VSTM1: variants seen among roughly 807,000 people sequenced by gnomAD.
The protein encoded by VSTM1 is V-set and transmembrane domain-containing protein 1.
A neutral mutation model predicts 33.1 loss-of-function variants in VSTM1; 27 were observed. The ratio of observed to expected loss-of-function variants is 0.82; its 90% confidence interval spans 0.60 to 1.12. The LOEUF is 1.12. Among genes scored for constraint, VSTM1 ranks in the 50% most tolerant of loss-of-function variants. The pLI is 0.00. For synonymous variants in VSTM1, 115 were observed against 110.3 expected (o/e 1.04, Z -0.27); for missense variants, 304 against 288.9 (o/e 1.05, Z -0.38).
At chr19:54,049,833 CA>C (rs1181690146) in intron 4 of VSTM1, among the ~76,000 whole-genome samples, 1 of 152,036 alleles carries the variant, frequency 6.6e-6, no homozygotes, top group East Asian at 1.9e-4. Context: ...CAACCTTCAG[CA>C]ACTTTGGCTC....
At chr19:54,041,848 C>A (rs1216494627) in intron 7 of VSTM1, 32 bp from the exon 8 acceptor site, 2 of 1,613,616 alleles carry the variant, frequency 1.2e-6, no homozygotes, top group Non-Finnish European at 1.7e-6. Context: ...AAAATCAGTT[C>A]TCAGCTGCAG....
chr19:54,058,570 G>C lies in VSTM1; in HGVS notation c.91C>G (p.Leu31Val), dbSNP rs369534592. Residue 31 changes from leucine to valine, a missense_variant, in exon 3 of 9, where the codon CTC becomes GTC. Physicochemically the swap from Leu to Val is conservative, Grantham distance 32 (BLOSUM62 1). Coordinates refer to ENST00000338372, the MANE Select transcript of VSTM1 (RefSeq NM_198481.4). ...ACCACCGAGCTGGGCCAGGCGTGGAGGGAGGGCTTGGGCGGTTTCTCTGGA... is the reference window on the plus strand; with the variant it reads ...ACCACCGAGCTGGGCCAGGCGTGGACGGAGGGCTTGGGCGGTTTCTCTGGA... ...KKNEKPPKPS[L>V]HAWPSSVVEA... 1 of 1,613,894 alleles carries C rather than the reference G, an allele frequency of 6.2e-7. No individual in the cohort carries two copies. The highest frequency in any genetic ancestry group is 8.5e-7 in the Non-Finnish European group (1 of 1,179,878).
intron 3 of VSTM1, among the ~76,000 whole-genome samples, chr19:54,051,909 C>T (rs576616226): frequency 4.8e-4 from 73 of 152,094 alleles, no homozygotes; most frequent in African/African-American, 7.9e-4. Context: ...TACAGGCGCC[C>T]GCCACCACAC....
At position 54,056,214 on chromosome 19, in the gene VSTM1, C is replaced by CTTTTTTTT. The variant is rs869203085; in HGVS notation, c.355+2084_355+2091dup. On this transcript the variant is annotated intron_variant, in intron 3 of 8. Transcript: ENST00000338372. ...TTCTTTCTTTCTTTTCTTTTCTTTT[C>CTTTTTTTT]TTTTTTTTTTTTTTTTTTTTTTTTT... is the stretch of plus-strand genomic sequence containing the variant. 2.1e-3 allele frequency among the ~76,000 whole-genome samples: 83 copies of CTTTTTTTT among 39,164 alleles called. 5 individuals carry two copies. Among genetic ancestry groups the CTTTTTTTT allele is most frequent in the African/African-American group, 6.3e-3 (65 of 10,286 alleles). 25.7% of individuals were successfully genotyped at this position (39,164 alleles called of 152,430 possible).
rs542355894 is a variant in VSTM1 at position 54,055,969 on chromosome 19, G to T, written c.355+2337C>A. Among the ~76,000 whole-genome samples, 32 of 140,672 alleles carry T rather than the reference G, an allele frequency of 2.3e-4. 5 individuals are homozygous for T. Among genetic ancestry groups the T allele is most frequent in the African/African-American group, 7.1e-4 (27 of 38,096 alleles). 92.3% of individuals were successfully genotyped at this position (140,672 alleles called of 152,430 possible). ...GCTGCCCTTGGTGGGACCTCCCCTC[G>T]CAGGGTTAGTTAATTTCTAGAGCCA... On this transcript the variant is annotated intron_variant, in intron 3 of 8. Coordinates refer to ENST00000338372, the MANE Select transcript of VSTM1 (RefSeq NM_198481.4).
chr19:54,050,583 C>G (rs1339558888), intron 4 of VSTM1, among the ~76,000 whole-genome samples: 2 of 152,112 alleles, frequency 1.3e-5, no homozygotes, highest in Non-Finnish European at 2.9e-5. Flanking sequence ...GTTTTACACA[C>G]CAGCTTCTTC....
chr19:54,059,114 G>A (rs1422760368), intron 1 of VSTM1, among the ~76,000 whole-genome samples: 1 of 143,344 alleles, frequency 7.0e-6, no homozygotes, highest in Non-Finnish European at 1.5e-5. Flanking sequence ...AGGCTGGAGT[G>A]CAATGACATG....
intron 3 of VSTM1, among the ~76,000 whole-genome samples, chr19:54,052,267 G>A (rs537631930): frequency 2.7e-5 from 4 of 149,776 alleles, no homozygotes; most frequent in East Asian, 4.0e-4. Flanking sequence ...GCGTGGTGGC[G>A]GGCCCCTGTA....
intron 4 of VSTM1, among the ~76,000 whole-genome samples, chr19:54,048,931 C>T (rs1401566204): frequency 6.6e-6 from 1 of 151,840 alleles, no homozygotes; most frequent in African/African-American, 2.4e-5. Flanking sequence ...TAAAAATACA[C>T]AAATTAGCTA....
At chr19:54,051,487 A>G in intron 3 of VSTM1, 39 bp from the exon 4 acceptor site, 1 of 1,552,570 alleles carries the variant, frequency 6.4e-7, no homozygotes. Flanking sequence ...TACACTAATC[A>G]TACAGGAACC....
At chr19:54,060,301 G>A (rs142716065) in intron 1 of VSTM1, among the ~76,000 whole-genome samples, 198 of 152,090 alleles carry the variant, frequency 1.3e-3, no homozygotes, top group African/African-American at 4.2e-3. Context: ...TACATTCCCC[G>A]CTGGGAAGGT....
intron 4 of VSTM1, among the ~76,000 whole-genome samples, chr19:54,042,837 T>TACAC (rs1555752688): frequency 1.1e-4 from 7 of 66,424 alleles, no homozygotes; most frequent in South Asian, 4.0e-4. Context: ...TATATATATA[T>TACAC]ACATATATAT....
chr19:54,061,534 C>T (rs1190596922), intron 1 of VSTM1, among the ~76,000 whole-genome samples: 1 of 152,134 alleles, frequency 6.6e-6, no homozygotes, highest in African/African-American at 2.4e-5. Context: ...CATGCGAAGA[C>T]AGAGGCAGAG....
chr19:54,063,410 C>A (rs1251338229), intron 1 of VSTM1, among the ~76,000 whole-genome samples: 1 of 152,110 alleles, frequency 6.6e-6, no homozygotes, highest in Admixed American at 6.6e-5. Flanking sequence ...TTGCCCACAG[C>A]CTTGCACCCT....
At chr19:54,045,143 CT>C (rs1462136556) in intron 4 of VSTM1, among the ~76,000 whole-genome samples, 1 of 152,212 alleles carries the variant, frequency 6.6e-6, no homozygotes, top group Non-Finnish European at 1.5e-5. Context: ...GCTTCCCCTA[CT>C]TGGTTCGCTA....
intron 4 of VSTM1, among the ~76,000 whole-genome samples, chr19:54,044,184 C>T (rs2070457319): frequency 6.6e-6 from 1 of 152,150 alleles, no homozygotes; most frequent in Non-Finnish European, 1.5e-5. Context: ...AGACATGATT[C>T]CCCAAGACAC....
chr19:54,042,118 C>T, intron 6 of VSTM1, 51 bp downstream of exon 6: 1 of 1,591,432 alleles, frequency 6.3e-7, no homozygotes, highest in Non-Finnish European at 8.5e-7. Context: ...AATGGGTTCC[C>T]TTGAGAATGA....
At chr19:54,057,138 G>T (rs1192935016) in intron 3 of VSTM1, among the ~76,000 whole-genome samples, 1 of 140,216 alleles carries the variant, frequency 7.1e-6, no homozygotes, top group African/African-American at 2.6e-5. Flanking sequence ...TTACAGGCAT[G>T]AGCCACCGCG....
chr19:54,058,808 AG>A, intron 1 of VSTM1, 76 bp from the exon 2 acceptor site: 1 of 1,128,936 alleles, frequency 8.9e-7, no homozygotes, highest in East Asian at 2.3e-5. Flanking sequence ...ACGTATGACT[AG>A]CTCTTTATAG....
Sources: gnomAD v4.1 joint callset for allele counts (sites outside exome capture counted in the v4.1 genomes callset) on GRCh38, gnomAD v4.1.1 for gene constraint, MANE v1.5 for transcripts, NCBI Gene and HGNC (gene_info 2026-07-23, HGNC 2026-07-21) for gene names.